The following APAF1 variants were observed in gnomAD, a reference collection of about 807,000 sequenced individuals.
APAF1 encodes the protein apoptotic protease-activating factor 1.
A neutral mutation model predicts 152.4 loss-of-function variants in APAF1; 91 were observed. That is an observed-to-expected ratio of 0.60 (90% CI 0.50 to 0.71). The LOEUF is 0.71. Among genes scored for constraint, APAF1 ranks in the 30% least tolerant of loss-of-function variants. The pLI, the probability that APAF1 is intolerant of heterozygous loss-of-function variation, is 0.00. For missense variants in APAF1, 1,283 were observed against 1,472.0 expected (o/e 0.87, Z 2.10); for synonymous variants, 484 against 494.1 (o/e 0.98, Z 0.27).
At chr12:98,673,871 T>G (rs1268439649) in intron 12 of APAF1, among the ~76,000 whole-genome samples, 1 of 152,170 alleles carries the variant, frequency 6.6e-6, no homozygotes, top group Non-Finnish European at 1.5e-5. Flanking sequence ...TAAGTAGAGA[T>G]AGAACTGATA....
chr12:98,733,165 T>G lies in APAF1; in HGVS notation c.*599T>G, dbSNP rs1196639885. 1.3e-5 allele frequency: 2 copies of G among 153,580 alleles called. No homozygotes were observed. The highest frequency in any genetic ancestry group is 2.9e-5 in the Non-Finnish European group (2 of 69,174). The allele number at this position is 153,580 out of a possible 1,614,324, so 9.5% of individuals were successfully genotyped here. A position where few individuals can be genotyped will look rare whatever the true frequency, so the allele number is the denominator to read the frequency against. On this transcript the variant is annotated 3_prime_UTR_variant, in exon 27 of 27. Coordinates refer to ENST00000551964, the MANE Select transcript of APAF1 (RefSeq NM_181861.2). The stretch of plus-strand genomic sequence containing the variant: ...TTTTTTTGTTTTTGGAGACAGAGTC[T>G]TGCTTTGTTGCCAGGCTGGAGTGCA...
At chr12:98,720,542 G>A (rs2097740980) in intron 22 of APAF1, among the ~76,000 whole-genome samples, 1 of 152,190 alleles carries the variant, frequency 6.6e-6, no homozygotes, top group Admixed American at 6.5e-5. Context: ...CCTGATTATA[G>A]CCCTTAGGAT....
Position 98,732,750 on chromosome 12 carries a change from T to C in APAF1, c.*184T>C. On this transcript the variant is annotated 3_prime_UTR_variant, in exon 27 of 27. Coordinates refer to ENST00000551964, the MANE Select transcript of APAF1 (RefSeq NM_181861.2). ...GCTTTTTCCCAAATGAACATACCTT[T>C]AATCTTGTTTTTCATGATCATCATT... is the stretch of plus-strand genomic sequence containing the variant. 1 of 571,392 alleles carries C rather than the reference T, an allele frequency of 1.8e-6. No homozygotes were observed. Among genetic ancestry groups the C allele is most frequent in the Non-Finnish European group, 3.1e-6 (1 of 324,432 alleles). The allele number at this position is 571,392 out of a possible 1,614,324, so 35.4% of individuals were successfully genotyped here. A position where few individuals can be genotyped will look rare whatever the true frequency, so the allele number is the denominator to read the frequency against.
intron 16 of APAF1, among the ~76,000 whole-genome samples, chr12:98,691,667 A>G (rs1038905144): frequency 6.6e-6 from 1 of 152,034 alleles, no homozygotes; most frequent in African/African-American, 2.4e-5. Context: ...TCTGATTCTC[A>G]TTATTTTTGT....
Position 98,649,670 on chromosome 12 carries a change from A to G in APAF1, c.512A>G (p.His171Arg), listed in dbSNP as rs2097646468. 9.9e-6 allele frequency: 16 copies of G among 1,613,898 alleles called. No homozygotes were observed. The highest frequency in any genetic ancestry group is 1.3e-5 in the Non-Finnish European group (15 of 1,179,808). ...TTAGCTGCAGAAGCTGTTAGAGATC[A>G]TTCCCTTTTAGAAGGTAAGTGTCTT... ...SVLAAEAVRD[H>R]SLLEGCFPGG... The change falls in exon 4 of 27, where the codon CAT becomes CGT. Residue 171 changes from histidine (H) to arginine (R), a missense_variant. His to Arg is a conservative substitution (Grantham distance 29). Transcript: ENST00000551964.
intron 18 of APAF1, among the ~76,000 whole-genome samples, chr12:98,704,068 A>C (rs758608665): frequency 6.6e-6 from 1 of 152,008 alleles, no homozygotes. Context: ...GTGAAGTGCT[A>C]TATTAGTTTT....
intron 5 of APAF1, 86 bp from the exon 6 acceptor site, chr12:98,662,370 T>A: frequency 9.7e-7 from 1 of 1,034,456 alleles, no homozygotes; most frequent in South Asian, 1.4e-5. Flanking sequence ...ATTTGGTAGA[T>A]TTTAAAAGAC....
At chr12:98,678,991 G>A (rs2097689496) in intron 13 of APAF1, among the ~76,000 whole-genome samples, 1 of 152,208 alleles carries the variant, frequency 6.6e-6, no homozygotes, top group South Asian at 2.1e-4. Flanking sequence ...GTTCCTGGGT[G>A]GAAGGGGGCG....
rs75622772 is a variant in APAF1, at chr12:98,666,331, A to T, written c.1336A>T (p.Thr446Ser). 2.4e-3 allele frequency: 3,912 copies of T among 1,613,254 alleles called. 83 individuals carry two copies. In the African/African-American group the frequency reaches 0.046, roughly 19 times the overall value. The change falls in exon 9 of 27, where the codon ACA (threonine) becomes TCA (serine). Residue 446 changes from threonine (T) to serine (S), a missense_variant. By Grantham distance (58) the Thr-to-Ser change is moderately conservative (BLOSUM62 1). Transcript: ENST00000551964. The part of the protein sequence containing the change: ...YLHDLQVDFL[T>S]EKNCSQLQDL... ...ACATGATCTTCAAGTAGATTTTCTT[A>T]CAGAGAAGAATTGCAGCCAGCTTCA...
At position 98,708,672 on chromosome 12, in the gene APAF1, G is replaced by C; in HGVS notation, c.2809G>C (p.Val937Leu). Residue 937 changes from valine (V) to leucine (L), a missense_variant, in exon 20 of 27, where the codon GTC becomes CTC. Coordinates refer to ENST00000551964, the MANE Select transcript of APAF1 (RefSeq NM_181861.2). ...DVVFQENEVM[V>L]LAVDHIRRLQ... ...TGTGTTTCAAGAAAATGAAGTGATG[G>C]TCCTTGCAGTTGACCATATAAGACG... is the stretch of plus-strand genomic sequence containing the variant. The C allele has an allele frequency of 3.1e-6, 5 of 1,613,764 alleles. No homozygotes were observed. Among genetic ancestry groups the C allele is most frequent in the Non-Finnish European group, 4.2e-6 (5 of 1,179,842 alleles).
At chr12:98,720,406 T>G (rs1244293327) in intron 22 of APAF1, among the ~76,000 whole-genome samples, 1 of 152,230 alleles carries the variant, frequency 6.6e-6, no homozygotes, top group Non-Finnish European at 1.5e-5. Context: ...TTTTTAAGGT[T>G]TTTGTAAATG....
At chr12:98,683,411 C>CA (rs944234807) in intron 15 of APAF1, 137 bp downstream of exon 15, 9,299 of 730,946 alleles carry the variant, frequency 0.013, 32 homozygotes, top group Non-Finnish European at 0.014. Context: ...TTAGCTGAAG[C>CA]AAAAAAAAAA....
intron 13 of APAF1, among the ~76,000 whole-genome samples, chr12:98,678,298 G>A (rs2097688635): frequency 6.6e-6 from 1 of 152,270 alleles, no homozygotes; most frequent in Admixed American, 6.5e-5. Context: ...TTTGATGGCA[G>A]CGGCGGGCTG....
At chr12:98,694,459 T>C (rs1246999627) in intron 16 of APAF1, among the ~76,000 whole-genome samples, 3 of 152,172 alleles carry the variant, frequency 2.0e-5, no homozygotes, top group Non-Finnish European at 4.4e-5. Context: ...AAATTTTTTT[T>C]CCTCTCCTTC....
At chr12:98,732,390 C>T (rs1421611918) in intron 26 of APAF1, 30 bp from the exon 27 acceptor site, 13 of 1,603,268 alleles carry the variant, frequency 8.1e-6, no homozygotes, top group Non-Finnish European at 1.0e-5. Flanking sequence ...AATTACCAAT[C>T]TAATGAGAAT....
chr12:98,717,735 A>G (rs1171348388), intron 22 of APAF1, among the ~76,000 whole-genome samples: 1 of 150,924 alleles, frequency 6.6e-6, no homozygotes, highest in African/African-American at 2.4e-5. Flanking sequence ...TGTTCCCTCC[A>G]AGTTGCTTTT....
intron 22 of APAF1, among the ~76,000 whole-genome samples, chr12:98,716,438 G>A (rs1032740231): frequency 3.9e-5 from 6 of 152,076 alleles, no homozygotes; most frequent in Non-Finnish European, 7.4e-5. Flanking sequence ...TTGCCTTAAC[G>A]CAATTTAGGA....
chr12:98,684,304 G>A lies in APAF1; in HGVS notation c.2178+1030G>A, dbSNP rs533650610. 2.6e-5 allele frequency among the ~76,000 whole-genome samples: 4 copies of A among 152,020 alleles called. No individual in the cohort carries two copies. The East Asian group carries it at 7.7e-4, about 29-fold the overall frequency. ...AGAAAAAATTATACAGAAGCTCAGT[G>A]TGTATAAGAGTTAAAGCTTGCTGCT... On this transcript the variant is annotated intron_variant, in intron 15 of 26. Coordinates refer to ENST00000551964, the MANE Select transcript of APAF1 (RefSeq NM_181861.2).
chr12:98,706,405 A>G (rs935747789), intron 18 of APAF1, 80 bp from the exon 19 acceptor site: 15 of 1,424,974 alleles, frequency 1.1e-5, no homozygotes, highest in Non-Finnish European at 1.4e-5. Context: ...TTGCTGGCTC[A>G]TTCTTGCTAT....
Sources: allele counts gnomAD v4.1 joint callset (sites outside exome capture counted in the v4.1 genomes callset), GRCh38; gene constraint gnomAD v4.1.1; transcripts MANE v1.5; gene names NCBI Gene and HGNC (gene_info 2026-07-23, HGNC 2026-07-21).